The following ZNF536 variants were observed in gnomAD, a reference collection of about 807,000 sequenced individuals.
The protein encoded by ZNF536 is zinc finger protein 536.
Under a neutral mutation model 84.5 loss-of-function variants are expected in ZNF536, and 13 were observed. The observed-to-expected ratio is 0.15, with a 90% CI of 0.10 to 0.24. ZNF536 has a LOEUF of 0.24. Ranked by LOEUF, ZNF536 falls within the 10% of genes least tolerant of loss-of-function variation. The pLI is 1.00. For missense variants in ZNF536, 1,536 were observed against 1,747.5 expected (o/e 0.88, Z 2.16); for synonymous variants, 811 against 742.5 (o/e 1.09, Z -1.50).
At chr19:30,335,560 C>T (rs2047356133) in intron 2 of ZNF536, among the ~76,000 whole-genome samples, 1 of 152,112 alleles carries the variant, frequency 6.6e-6, no homozygotes, top group African/African-American at 2.4e-5. Flanking sequence ...TGTCTGGTCT[C>T]CTGAACTGAC....
At chr19:30,262,184 C>T (rs938645392) in intron 1 of ZNF536, among the ~76,000 whole-genome samples, 7 of 152,230 alleles carry the variant, frequency 4.6e-5, no homozygotes. Context: ...TCTGGTGCTC[C>T]TCTGTTAGCA....
chr19:30,292,230 T>A (rs184217424), intron 2 of ZNF536, among the ~76,000 whole-genome samples: 1 of 152,210 alleles, frequency 6.6e-6, no homozygotes, highest in East Asian at 1.9e-4. Flanking sequence ...CCAGGACACA[T>A]GTACCTGTCT....
At chr19:30,329,989 A>G (rs1299812538) in intron 2 of ZNF536, among the ~76,000 whole-genome samples, 2 of 152,214 alleles carry the variant, frequency 1.3e-5, no homozygotes, top group African/African-American at 2.4e-5. Context: ...ATAATTTATA[A>G]TCTTATGATT....
intron 2 of ZNF536, among the ~76,000 whole-genome samples, chr19:30,527,829 G>T (rs1162296262): frequency 6.6e-6 from 1 of 152,146 alleles, no homozygotes; most frequent in African/African-American, 2.4e-5. Context: ...CTTTCCCCAA[G>T]GTGTCGGTAT....
intron 1 of ZNF536, among the ~76,000 whole-genome samples, chr19:30,625,640 C>T (rs965466418): frequency 6.6e-6 from 1 of 152,202 alleles, no homozygotes; most frequent in Non-Finnish European, 1.5e-5. Flanking sequence ...GTTATGAAAA[C>T]AAGAGGCAAA....
intron 1 of ZNF536, among the ~76,000 whole-genome samples, chr19:30,268,572 TGAACAAATG>T (rs2025649750): frequency 6.6e-6 from 1 of 152,174 alleles, no homozygotes. Context: ...GCCTGGTGTC[TGAACAAATG>T]GACGATCTAT....
intron 1 of ZNF536, among the ~76,000 whole-genome samples, chr19:30,274,137 C>T (rs1568295282): frequency 6.6e-6 from 1 of 152,188 alleles, no homozygotes; most frequent in Non-Finnish European, 1.5e-5. Context: ...TTAGAAGTGG[C>T]ATAACTTTCA....
rs575743452 is a variant in ZNF536, at chr19:30,469,211, G to A, written c.2170+23479G>A. 5.9e-5 allele frequency among the ~76,000 whole-genome samples: 9 copies of A among 152,266 alleles called. No homozygotes were observed. In the East Asian group the frequency reaches 9.7e-4, roughly 16 times the overall value. On this transcript the variant is annotated intron_variant, in intron 2 of 4. Coordinates refer to ENST00000355537, the MANE Select transcript of ZNF536 (RefSeq NM_014717.3). ...AGGTGGATCACGAGGTCAGGAGGTC[G>A]AGACCATCCTGGCTAACATGGTGAA...
chr19:30,641,147 T>C (rs1288769323), intron 1 of ZNF536, among the ~76,000 whole-genome samples: 1 of 152,222 alleles, frequency 6.6e-6, no homozygotes, highest in Non-Finnish European at 1.5e-5. Context: ...AATTTTACTT[T>C]TTCACAAAAA....
chr19:30,386,812 G>A (rs1276101478), intron 1 of ZNF536, among the ~76,000 whole-genome samples: 2 of 152,220 alleles, frequency 1.3e-5, no homozygotes, highest in Non-Finnish European at 2.9e-5. Context: ...TTCAGGAACC[G>A]ATTTTTGGTG....
intron 1 of ZNF536, among the ~76,000 whole-genome samples, chr19:30,572,446 G>A (rs1336036072): frequency 6.6e-6 from 1 of 152,168 alleles, no homozygotes; most frequent in African/African-American, 2.4e-5. Context: ...TGGAAACACT[G>A]TGACCCCTCT....
At chr19:30,388,849 A>C (rs531108998) in intron 1 of ZNF536, among the ~76,000 whole-genome samples, 1 of 152,200 alleles carries the variant, frequency 6.6e-6, no homozygotes, top group Non-Finnish European at 1.5e-5. Context: ...TTCCAGGCTT[A>C]AAATCATGTG....
intron 1 of ZNF536, among the ~76,000 whole-genome samples, chr19:30,640,108 G>T (rs1014470200): frequency 7.2e-5 from 11 of 152,126 alleles, no homozygotes; most frequent in East Asian, 1.9e-4. Context: ...TTAGCTGGGC[G>T]TGGTGGCACG....
At chr19:30,274,542 G>A (rs941128904) in intron 1 of ZNF536, among the ~76,000 whole-genome samples, 11 of 152,310 alleles carry the variant, frequency 7.2e-5, no homozygotes, top group African/African-American at 2.2e-4. Context: ...CAGTTGCCAC[G>A]TGTGGCCAGT....
chr19:30,539,861 C>T (rs16796), intron 3 of ZNF536, among the ~76,000 whole-genome samples: 15,404 of 152,234 alleles, frequency 0.1, 1,072 homozygotes, highest in Non-Finnish European at 0.15. Context: ...CCTACCGAGG[C>T]TCTCCCATGT....
chr19:30,267,902 CAGAA>C (rs1568545967), intron 1 of ZNF536, among the ~76,000 whole-genome samples: 2 of 151,896 alleles, frequency 1.3e-5, no homozygotes, highest in Non-Finnish European at 2.9e-5. Context: ...CACACACACA[CAGAA>C]AGAGAGAGAG....
chr19:30,295,974 C>T (rs2045983730), intron 2 of ZNF536, among the ~76,000 whole-genome samples: 2 of 152,186 alleles, frequency 1.3e-5, no homozygotes, highest in African/African-American at 2.4e-5. Flanking sequence ...CCAGAGGCCT[C>T]CATGGGGCCC....
chr19:30,406,152 T>G (rs566265141), intron 1 of ZNF536, among the ~76,000 whole-genome samples: 62 of 152,304 alleles, frequency 4.1e-4, no homozygotes, highest in South Asian at 1.2e-3. Flanking sequence ...TAGAAGTATG[T>G]GCATTGTTCC....
In ZNF536 at chr19:30,456,308, CTTTTTT is replaced by C. The variant is rs11301441; in HGVS notation, c.2170+10591_2170+10596del. On this transcript the variant is annotated intron_variant, in intron 2 of 4. Coordinates refer to ENST00000355537, the MANE Select transcript of ZNF536 (RefSeq NM_014717.3). ...CGTGAACACGGGACTTGTTTCTTTT[CTTTTTT>C]TTTTTTTTTTTTTTGCCTGAGATGC... 3.2e-3 allele frequency among the ~76,000 whole-genome samples: 341 copies of C among 108,114 alleles called. 1 individual carries two copies. The highest frequency in any genetic ancestry group is 0.011 in the African/African-American group (327 of 29,090). The allele number at this position is 108,114 out of a possible 152,430, so 70.9% of individuals were successfully genotyped here.
Sources: gnomAD v4.1 joint callset for allele counts (sites outside exome capture counted in the v4.1 genomes callset) on GRCh38, gnomAD v4.1.1 for gene constraint, MANE v1.5 for transcripts, NCBI Gene and HGNC (gene_info 2026-07-23, HGNC 2026-07-21) for gene names.